The following KDM7A variants were observed in gnomAD, a reference collection of about 807,000 sequenced individuals.
KDM7A encodes the protein lysine demethylase 7A.
KDM7A carries 28 observed loss-of-function variants against 114.8 expected under a neutral mutation model. That is an observed-to-expected ratio of 0.24 (90% confidence interval 0.18 to 0.33). The LOEUF (loss-of-function observed/expected upper bound fraction) is 0.33. Ranked by LOEUF, KDM7A falls within the 10% of genes least tolerant of loss-of-function variation. The probability of loss-of-function intolerance (pLI) is 1.00; values close to 1 mark genes in which losing one functional copy is unlikely to be tolerated. For synonymous variants in KDM7A, 423 were observed against 397.8 expected (o/e 1.06, Z -0.75); for missense variants, 942 against 1,142.5 (o/e 0.82, Z 2.53).
At chr7:140,149,360 A>G (rs1441774348) in intron 1 of KDM7A, among the ~76,000 whole-genome samples, 1 of 152,214 alleles carries the variant, frequency 6.6e-6, no homozygotes, top group Non-Finnish European at 1.5e-5. Flanking sequence ...TTACTGCCTG[A>G]CATCTTGGAC....
chr7:140,117,226 A>T lies in KDM7A; in HGVS notation c.1246+1887T>A, dbSNP rs1233605681. Among the ~76,000 whole-genome samples the T allele has an allele frequency of 7.9e-5, 12 of 152,290 alleles. No individual in the cohort carries two copies. In the East Asian group the frequency reaches 1.7e-3, roughly 22 times the overall value. On this transcript the variant is annotated intron_variant, in intron 9 of 19. Transcript: ENST00000397560. ...ATACCCTTTTCTAATAATCCTTTTTAAAAAAGTCTTTAACGTATGGTCATA... is the reference window on the plus strand; with the variant it reads ...ATACCCTTTTCTAATAATCCTTTTTTAAAAAGTCTTTAACGTATGGTCATA...
chr7:140,139,537 AATG>A lies in KDM7A; in HGVS notation c.195-350_195-348del, dbSNP rs558045538. ...AGATAAATCATATTAAAATGTGAAC[AATG>A]ATAATACAATATGACAAAATTTGTG... On this transcript the variant is annotated intron_variant, in intron 1 of 19. Transcript: ENST00000397560. Among the ~76,000 whole-genome samples, 9 of 152,344 alleles carry A rather than the reference AATG, an allele frequency of 5.9e-5. No individual in the cohort carries two copies. In the South Asian group the frequency reaches 1.7e-3, roughly 28 times the overall value.
chr7:140,124,051 C>G (rs930993626), intron 7 of KDM7A, among the ~76,000 whole-genome samples: 6 of 139,226 alleles, frequency 4.3e-5, no homozygotes, highest in Non-Finnish European at 9.2e-5. Flanking sequence ...GCCTGAGCGA[C>G]AGAGCAAGAC....
chr7:140,124,083 A>AGG (rs2116796983), intron 7 of KDM7A, among the ~76,000 whole-genome samples: 2 of 151,738 alleles, frequency 1.3e-5, no homozygotes, highest in South Asian at 4.2e-4. Flanking sequence ...AAAAAAAAAA[A>AGG]AAGTAAGAAA....
At chr7:140,138,594 C>G (rs760930871) in intron 2 of KDM7A, among the ~76,000 whole-genome samples, 51 of 152,070 alleles carry the variant, frequency 3.4e-4, no homozygotes, top group Non-Finnish European at 5.6e-4. Flanking sequence ...GGGTTTCAGG[C>G]AGAGAGGATG....
At chr7:140,165,573 C>T (rs1403448526) in intron 1 of KDM7A, among the ~76,000 whole-genome samples, 1 of 152,104 alleles carries the variant, frequency 6.6e-6, no homozygotes, top group Admixed American at 6.6e-5. Flanking sequence ...AAACTGCCTG[C>T]CGTCCTGAGC....
At chr7:140,131,103 A>G (rs982051236) in intron 3 of KDM7A, among the ~76,000 whole-genome samples, 1 of 151,924 alleles carries the variant, frequency 6.6e-6, no homozygotes. Context: ...TCCCGAGCTC[A>G]TGATCCACCC....
intron 1 of KDM7A, among the ~76,000 whole-genome samples, chr7:140,175,661 G>C (rs1562963710): frequency 6.6e-6 from 1 of 152,206 alleles, no homozygotes; most frequent in Non-Finnish European, 1.5e-5. Context: ...CTCACACTTT[G>C]ATTACAAAAC....
chr7:140,133,993 T>C (rs184731397), intron 2 of KDM7A, among the ~76,000 whole-genome samples: 1 of 152,342 alleles, frequency 6.6e-6, no homozygotes, highest in East Asian at 1.9e-4. Flanking sequence ...CATCAGAACA[T>C]TAGGTCCTAA....
At chr7:140,095,022 A>AT (rs1266465829) in intron 17 of KDM7A, among the ~76,000 whole-genome samples, 14 of 152,026 alleles carry the variant, frequency 9.2e-5, no homozygotes, top group African/African-American at 3.4e-4. Flanking sequence ...TAATTTTTGT[A>AT]TTTTTACTAG....
intron 1 of KDM7A, among the ~76,000 whole-genome samples, chr7:140,169,732 G>T (rs1375236079): frequency 6.6e-6 from 1 of 152,026 alleles, no homozygotes; most frequent in Non-Finnish European, 1.5e-5. Context: ...CACCATGTTG[G>T]TCAGGCTGGT....
In KDM7A at chr7:140,086,811, G is replaced by A. The variant is rs1469518373; in HGVS notation, c.*4283C>T. Reference sequence around the variant, plus strand: ...GACACTCTGTCTAGGCTAAAGATCTGATGATCCAGCTTCCCAAGACTGCTT... The same window carrying A: ...GACACTCTGTCTAGGCTAAAGATCTAATGATCCAGCTTCCCAAGACTGCTT... On this transcript the variant is annotated 3_prime_UTR_variant, in exon 20 of 20. Coordinates refer to ENST00000397560, the MANE Select transcript of KDM7A (RefSeq NM_030647.2). The A allele has an allele frequency of 6.6e-6, 1 of 152,112 alleles. No individual in the cohort carries two copies. Among genetic ancestry groups the A allele is most frequent in the Non-Finnish European group, 1.5e-5 (1 of 68,016 alleles). The allele number at this position is 152,112 out of a possible 1,614,324, so 9.4% of individuals were successfully genotyped here.
chr7:140,114,585 G>A (rs547340155), intron 9 of KDM7A, among the ~76,000 whole-genome samples: 9 of 152,154 alleles, frequency 5.9e-5, no homozygotes, highest in South Asian at 2.1e-4. Context: ...CTGCCCAGCC[G>A]CCACCCCGTC....
intron 11 of KDM7A, among the ~76,000 whole-genome samples, chr7:140,107,066 C>T (rs1173934913): frequency 1.3e-5 from 2 of 152,118 alleles, no homozygotes; most frequent in African/African-American, 2.4e-5. Context: ...GGTTTAAAGT[C>T]TGTTTTATCA....
intron 9 of KDM7A, among the ~76,000 whole-genome samples, chr7:140,118,160 G>C (rs1025374146): frequency 3.3e-5 from 5 of 152,110 alleles, no homozygotes; most frequent in Non-Finnish European, 7.3e-5. Context: ...AATTATAATA[G>C]TAGCACTATT....
intron 1 of KDM7A, among the ~76,000 whole-genome samples, chr7:140,146,533 C>A (rs897404953): frequency 6.6e-6 from 1 of 152,204 alleles, no homozygotes; most frequent in Non-Finnish European, 1.5e-5. Context: ...TGGCACATAA[C>A]CTTCTTTAGT....
intron 2 of KDM7A, among the ~76,000 whole-genome samples, chr7:140,138,702 T>C (rs769015589): frequency 6.6e-6 from 1 of 152,230 alleles, no homozygotes; most frequent in Non-Finnish European, 1.5e-5. Flanking sequence ...CTCCTTAAAA[T>C]ATAAGGCATA....
chr7:140,091,895 C>A lies in KDM7A; in HGVS notation c.2640G>T (p.Arg880Ser), dbSNP rs777919706. The A allele has an allele frequency of 6.2e-7, 1 of 1,614,008 alleles. No individual in the cohort carries two copies. The highest frequency in any genetic ancestry group is 8.5e-7 in the Non-Finnish European group (1 of 1,180,024). ...CCGAGAAGGAAGTTTCACCAACTGG[C>A]CTTTCTGGGCTTAGACTGCCATTAC... ...QISNGSLSPE[R>S]PVGETSFSVP... Residue 880 changes from arginine (R) to serine (S), a missense_variant, in exon 19 of 20, where the codon AGG (arginine) becomes AGT (serine). Physicochemically the swap from Arg to Ser is moderately radical, Grantham distance 110. Around this residue, in one of 4 missense-constraint regions of KDM7A, gnomAD observed 512 missense variants for 576.6 expected, o/e 0.89. Transcript: ENST00000397560.
At chr7:140,137,851 G>A (rs1270804779) in intron 2 of KDM7A, among the ~76,000 whole-genome samples, 2 of 152,014 alleles carry the variant, frequency 1.3e-5, no homozygotes, top group African/African-American at 2.4e-5. Context: ...TACTCTATTG[G>A]AAAAAAGTAC....
Sources: gnomAD v4.1 joint callset for allele counts (sites outside exome capture counted in the v4.1 genomes callset) on GRCh38, gnomAD v4.1.1 for gene constraint, gnomAD v4.1.1 regional missense constraint, MANE v1.5 for transcripts, NCBI Gene and HGNC (gene_info 2026-07-23, HGNC 2026-07-21) for gene names.